BAZ2A: variants seen among roughly 807,000 people sequenced by gnomAD.
The protein encoded by BAZ2A is bromodomain adjacent to zinc finger domain 2A, also known as bromodomain adjacent to zinc finger domain protein 2A.
A neutral mutation model predicts 199.9 loss-of-function variants in BAZ2A; 34 were observed. The ratio of observed to expected loss-of-function variants is 0.17; its 90% confidence interval spans 0.13 to 0.23. The LOEUF is 0.23. Among genes scored for constraint, BAZ2A ranks in the 10% least tolerant of loss-of-function variants. The probability of loss-of-function intolerance (pLI) is 1.00; values close to 1 mark genes in which losing one functional copy is unlikely to be tolerated. For missense variants in BAZ2A, 2,002 were observed against 2,391.1 expected, an observed-to-expected ratio of 0.84 and a Z score of 3.39; for synonymous variants, 857 against 883.9, an observed-to-expected ratio of 0.97 and a Z score of 0.54.
chr12:56,599,075 C>T (rs200794526), intron 27 of BAZ2A, 54 bp downstream of exon 27: 20 of 1,598,936 alleles, frequency 1.3e-5, no homozygotes. Context: ...CCTCCCAGCC[C>T]TTTCCTCTGG....
chr12:56,628,663 T>C (rs576898804), intron 1 of BAZ2A, among the ~76,000 whole-genome samples: 24 of 152,288 alleles, frequency 1.6e-4, no homozygotes, highest in African/African-American at 4.8e-4. Context: ...ATCCATCTAA[T>C]AGTTAAATCT....
At chr12:56,616,640 T>A (rs1166082280) in intron 2 of BAZ2A, among the ~76,000 whole-genome samples, 1 of 151,946 alleles carries the variant, frequency 6.6e-6, no homozygotes, top group Non-Finnish European at 1.5e-5. Flanking sequence ...GAGGGTAGGG[T>A]GGAATCCAAT....
At position 56,602,152 on chromosome 12, in the gene BAZ2A, T is replaced by C; in HGVS notation, c.3465A>G (p.Lys1155=). 6.3e-7 allele frequency: 1 copy of C among 1,591,844 alleles called. No individual in the cohort carries two copies. Among genetic ancestry groups the C allele is most frequent in the Non-Finnish European group, 8.6e-7 (1 of 1,168,646 alleles). Reference sequence around the variant, plus strand: ...GGTTGAGTGACGCATGGGCTGCCACTTTTAAGGAGTCAGTTTCCTTCTTTA... The same window carrying C: ...GGTTGAGTGACGCATGGGCTGCCACCTTTAAGGAGTCAGTTTCCTTCTTTA... ...EVIKKETDSL[K]VAAHASLNPA... is the part of the protein sequence containing the mutation. Residue 1155 remains lysine (K), a synonymous_variant, in exon 20 of 29, where the codon AAA becomes AAG. Transcript: ENST00000549884.
chr12:56,606,856 C>A, intron 10 of BAZ2A, 123 bp from the exon 11 acceptor site: 1 of 603,986 alleles, frequency 1.7e-6, no homozygotes, highest in Non-Finnish European at 2.9e-6. Flanking sequence ...TCTAGAGTAG[C>A]TTTTTTTTTT....
Position 56,598,888 on chromosome 12 carries a change from C to T in BAZ2A, c.5526G>A (p.Arg1842=). 6.2e-7 allele frequency: 1 copy of T among 1,606,468 alleles called. No homozygotes were observed. ...IKNPMDFSTM[R]ERLLRGGYTS... ...CTTACCCTCCCCTGAGCAGCCGCTCCCGCATGGTGGAAAAATCCATAGGAT... is the reference window on the plus strand; with the variant it reads ...CTTACCCTCCCCTGAGCAGCCGCTCTCGCATGGTGGAAAAATCCATAGGAT... Residue 1842 remains arginine, a synonymous_variant, in exon 28 of 29, where the codon CGG becomes CGA. Coordinates refer to ENST00000549884, the MANE Select transcript of BAZ2A (RefSeq NM_001300905.2).
At position 56,613,195 on chromosome 12, in the gene BAZ2A, C is replaced by G. The variant is rs1490667465; in HGVS notation, c.955G>C (p.Glu319Gln). The G allele has an allele frequency of 8.7e-6, 14 of 1,613,994 alleles. No homozygotes were observed. The highest frequency in any genetic ancestry group is 1.2e-5 in the Non-Finnish European group (14 of 1,179,906). Residue 319 changes from glutamate to glutamine, a missense_variant, in exon 5 of 29, where the codon GAG (glutamate) becomes CAG (glutamine). This residue lies in a region of BAZ2A where 641 missense variants were observed against 694.5 expected (regional missense o/e 0.92). Transcript: ENST00000549884. ...SGGLYGIDDTELMGAEDKLPL... is the reference protein window; with the variant it reads ...SGGLYGIDDTQLMGAEDKLPL... ...AGCTTGTCCTCTGCACCCATCAGCT[C>G]CGTGTCATCAATACCATATAGTCCT...
intron 19 of BAZ2A, 107 bp from the exon 20 acceptor site, chr12:56,602,299 C>A (rs1886572756): frequency 9.7e-7 from 1 of 1,026,714 alleles, no homozygotes; most frequent in Middle Eastern, 3.1e-4. Flanking sequence ...GACTTAGTCC[C>A]CCTTTTTTGA....
chr12:56,610,886 G>A (rs1950538773), intron 7 of BAZ2A, among the ~76,000 whole-genome samples: 1 of 152,138 alleles, frequency 6.6e-6, no homozygotes, highest in African/African-American at 2.4e-5. Flanking sequence ...AAGACAAAGG[G>A]CAGGGAGGCA....
chr12:56,605,469 T>G (rs930219903), intron 13 of BAZ2A, 142 bp from the exon 14 acceptor site: 35 of 902,804 alleles, frequency 3.9e-5, no homozygotes, highest in Non-Finnish European at 5.0e-5. Flanking sequence ...TCACCCAAGC[T>G]GGAGTGCAGT....
In BAZ2A at chr12:56,600,434, G is replaced by A; in HGVS notation, c.4659C>T (p.His1553=). Residue 1553 remains histidine, a synonymous_variant, in exon 24 of 29, where the codon CAC becomes CAT. Coordinates refer to ENST00000549884, the MANE Select transcript of BAZ2A (RefSeq NM_001300905.2). ...TGATATCCTCCTGGGAGTCGGAGAG[G>A]TGCTCACAGTAGGCCAAGTCTTCAC... ...STREDLAYCE[H]LSDSQEDITW... The A allele has an allele frequency of 1.2e-6, 2 of 1,613,950 alleles. No individual in the cohort carries two copies. The highest frequency in any genetic ancestry group is 1.7e-6 in the Non-Finnish European group (2 of 1,179,872).
At chr12:56,636,924 G>A (rs1951460571), upstream of BAZ2A, 1 of 152,584 alleles carries the variant, frequency 6.6e-6, no homozygotes, top group Non-Finnish European at 1.5e-5. Flanking sequence ...AGGAAGCTTA[G>A]AGGCCCCTAC....
chr12:56,601,254 C>T lies in BAZ2A; in HGVS notation c.4220G>A (p.Arg1407Lys). The T allele has an allele frequency of 3.1e-6, 5 of 1,614,054 alleles. No individual in the cohort carries two copies. Among genetic ancestry groups the T allele is most frequent in the Non-Finnish European group, 3.4e-6 (4 of 1,179,906 alleles). The change falls in exon 21 of 29, where the codon AGA (arginine) becomes AAA (lysine). Residue 1407 changes from arginine to lysine, a missense_variant. Arg to Lys is a conservative substitution (Grantham distance 26). This residue lies in a region of BAZ2A where 1,081 missense variants were observed against 1,274.7 expected (regional missense o/e 0.85). Coordinates refer to ENST00000549884, the MANE Select transcript of BAZ2A (RefSeq NM_001300905.2). ...CTGTTTGAAGAACTTACTGGGAGGT[C>T]TCCCTCTCCGTTTGGGCTGTCCCAG... is the stretch of plus-strand genomic sequence containing the variant. ...TGLGQPKRRG[R>K]PPSKFFKQME...
Position 56,599,155 on chromosome 12 carries a change from G to T in BAZ2A, c.5376C>A (p.Asn1792Lys). Residue 1792 changes from asparagine to lysine, a missense_variant, in exon 27 of 29, where the codon AAC (asparagine) becomes AAA (lysine). This residue lies in a region of BAZ2A where 122 missense variants were observed against 123.0 expected (regional missense o/e 0.99). Coordinates refer to ENST00000549884, the MANE Select transcript of BAZ2A (RefSeq NM_001300905.2). Reference sequence around the variant, plus strand: ...CGCAAAATGTGAGATCACTGTGGTGGTTCCGCATAGAGAGTCGCCGCCGCT... The same window carrying T: ...CGCAAAATGTGAGATCACTGTGGTGTTTCCGCATAGAGAGTCGCCGCCGCT... Reference protein sequence around the residue: ...PSKRRRLSMRNHHSDLTFCEI... With the variant: ...PSKRRRLSMRKHHSDLTFCEI... 1 of 1,612,364 alleles carries T rather than the reference G, an allele frequency of 6.2e-7. No homozygotes were observed. The highest frequency in any genetic ancestry group is 1.7e-4 in the Middle Eastern group (1 of 6,054).
chr12:56,633,527 T>A (rs532391691), upstream of BAZ2A, among the ~76,000 whole-genome samples: 17 of 152,282 alleles, frequency 1.1e-4, no homozygotes, highest in South Asian at 3.5e-3. Flanking sequence ...ATTAAAGACC[T>A]GCCTTCCCCT....
In BAZ2A at chr12:56,600,781, C is replaced by T; in HGVS notation, c.4502G>A (p.Ser1501Asn). Residue 1501 changes from serine to asparagine, a missense_variant, in exon 23 of 29, where the codon AGC (serine) becomes AAC (asparagine). Coordinates refer to ENST00000549884, the MANE Select transcript of BAZ2A (RefSeq NM_001300905.2). ...GTATGTCTTCTCTTTGGGGGACCAGCTCATAATCCCTTCTTGAAAGGCAGG... is the reference window on the plus strand; with the variant it reads ...GTATGTCTTCTCTTTGGGGGACCAGTTCATAATCCCTTCTTGAAAGGCAGG... Reference protein sequence around the residue: ...QLPAFQEGIMSWSPKEKTYET... With the variant: ...QLPAFQEGIMNWSPKEKTYET... 6.2e-7 allele frequency: 1 copy of T among 1,613,918 alleles called. No individual in the cohort carries two copies. Among genetic ancestry groups the T allele is most frequent in the Non-Finnish European group, 8.5e-7 (1 of 1,179,902 alleles).
intron 3 of BAZ2A, 91 bp from the exon 4 acceptor site, chr12:56,614,229 A>G: frequency 1.5e-6 from 2 of 1,294,470 alleles, no homozygotes; most frequent in East Asian, 2.3e-5. Context: ...TGCTAGAAGG[A>G]TGTTCATTCA....
intron 1 of BAZ2A, among the ~76,000 whole-genome samples, chr12:56,622,656 GAACT>G (rs968087453): frequency 1.3e-5 from 2 of 152,134 alleles, no homozygotes; most frequent in African/African-American, 2.4e-5. Context: ...ATCTCCCTTT[GAACT>G]AATAGGATTT....
At chr12:56,630,478 G>A (rs1418980875), upstream of BAZ2A, 1 of 198,764 alleles carries the variant, frequency 5.0e-6, no homozygotes, top group Non-Finnish European at 9.0e-6. Context: ...TGGCCACCTT[G>A]CCCACCTGGC....
chr12:56,599,476 T>G (rs1235381755), intron 26 of BAZ2A, 118 bp from the exon 27 acceptor site: 6 of 1,305,468 alleles, frequency 4.6e-6, no homozygotes, highest in Non-Finnish European at 6.2e-6. Flanking sequence ...AAGCCGGCAT[T>G]GGTTTATTCA....
Sources: gnomAD v4.1 joint callset for allele counts (sites outside exome capture counted in the v4.1 genomes callset) on GRCh38, gnomAD v4.1.1 for gene constraint, gnomAD v4.1.1 regional missense constraint, MANE v1.5 for transcripts, NCBI Gene and HGNC (gene_info 2026-07-23, HGNC 2026-07-21) for gene names.